VAV2: variants seen among roughly 807,000 people sequenced by gnomAD.
The protein encoded by VAV2 is vav guanine nucleotide exchange factor 2.
In VAV2, 67 loss-of-function variants were observed where a neutral mutation model predicts 132.5. The ratio of observed to expected loss-of-function variants is 0.51; its 90% CI spans 0.42 to 0.62. VAV2 has a LOEUF of 0.62. Among genes scored for constraint, VAV2 ranks in the 20% least tolerant of loss-of-function variants. The probability of loss-of-function intolerance (pLI) is 0.00; values close to 1 mark genes in which losing one functional copy is unlikely to be tolerated. For synonymous variants in VAV2, 492 were observed against 443.5 expected, an observed-to-expected ratio of 1.11 and a Z score of -1.37; for missense variants, 938 against 1,153.6, an observed-to-expected ratio of 0.81 and a Z score of 2.71.
intron 2 of VAV2, among the ~76,000 whole-genome samples, chr9:133,896,658 T>G (rs570709752): frequency 6.6e-6 from 1 of 152,274 alleles, no homozygotes; most frequent in Non-Finnish European, 1.5e-5. Context: ...GCCACTTCAT[T>G]CACATAAGCA....
Position 133,917,560 on chromosome 9 carries a change from G to C in VAV2, c.321+21543C>G, listed in dbSNP as rs781760054. Among the ~76,000 whole-genome samples, 6 of 151,720 alleles carry C rather than the reference G, an allele frequency of 4.0e-5. 1 individual carries two copies. ...CTGAAAATGTCAACACAGCACAGAGGGGCCCTGCCCATCCCACAGAGGCCA... is the reference window on the plus strand; with the variant it reads ...CTGAAAATGTCAACACAGCACAGAGCGGCCCTGCCCATCCCACAGAGGCCA... On this transcript the variant is annotated intron_variant, in intron 2 of 29. Transcript: ENST00000371850.
intron 2 of VAV2, among the ~76,000 whole-genome samples, chr9:133,895,928 CTTTTTT>C (rs551480342): frequency 8.7e-6 from 1 of 115,224 alleles, no homozygotes; most frequent in South Asian, 3.1e-4. Context: ...ACACTAAAAT[CTTTTTT>C]TTTTTTTTTT....
chr9:133,827,456 C>G (rs181832451), intron 4 of VAV2, among the ~76,000 whole-genome samples: 211 of 2,606 alleles, frequency 0.081, 14 homozygotes, highest in Admixed American at 0.11. Flanking sequence ...GGCATCACCA[C>G]CTACCGCTGC....
At chr9:133,808,738 G>T (rs1008601042) in intron 7 of VAV2, among the ~76,000 whole-genome samples, 7 of 152,242 alleles carry the variant, frequency 4.6e-5, no homozygotes, top group Non-Finnish European at 8.8e-5. Flanking sequence ...CGAGGAGCTA[G>T]CTCAGTGCCT....
intron 1 of VAV2, among the ~76,000 whole-genome samples, chr9:133,957,070 T>C (rs1841807013): frequency 6.6e-6 from 1 of 152,106 alleles, no homozygotes; most frequent in Admixed American, 6.5e-5. Context: ...ACGCCACCAG[T>C]GTCTCTCTGG....
intron 29 of VAV2, among the ~76,000 whole-genome samples, chr9:133,765,636 C>T (rs1310372491): frequency 1.3e-5 from 2 of 152,304 alleles, no homozygotes; most frequent in African/African-American, 4.8e-5. Flanking sequence ...GGACTGGATC[C>T]AGGACCAGGA....
At chr9:133,821,895 G>A (rs756630599) in intron 4 of VAV2, among the ~76,000 whole-genome samples, 2 of 152,096 alleles carry the variant, frequency 1.3e-5, no homozygotes, top group South Asian at 2.1e-4. Flanking sequence ...TTCCTGCCCC[G>A]TCTCATCCTT....
chr9:133,948,081 A>G (rs982483967), intron 1 of VAV2, among the ~76,000 whole-genome samples: 1 of 152,082 alleles, frequency 6.6e-6, no homozygotes, highest in Non-Finnish European at 1.5e-5. Flanking sequence ...GTGAGCCACT[A>G]TGCTCAGACC....
At chr9:133,886,955 C>T (rs1203196819) in intron 2 of VAV2, among the ~76,000 whole-genome samples, 1 of 152,220 alleles carries the variant, frequency 6.6e-6, no homozygotes, top group East Asian at 1.9e-4. Flanking sequence ...TCAGGCAGGA[C>T]TTTCCCAGTC....
chr9:133,903,713 G>C (rs1564451941), intron 2 of VAV2, among the ~76,000 whole-genome samples: 1 of 152,114 alleles, frequency 6.6e-6, no homozygotes. Context: ...ACAAGCGTGG[G>C]CGTCACTGAA....
intron 3 of VAV2, among the ~76,000 whole-genome samples, chr9:133,848,149 G>C (rs1038282144): frequency 6.5e-4 from 98 of 151,724 alleles, no homozygotes; most frequent in African/African-American, 2.3e-3. Context: ...GTGTAGTGGC[G>C]GGCGCCTGTA....
intron 2 of VAV2, among the ~76,000 whole-genome samples, chr9:133,878,462 T>G (rs2131928416): frequency 6.6e-6 from 1 of 152,300 alleles, no homozygotes; most frequent in East Asian, 1.9e-4. Flanking sequence ...AGTCTTGGTT[T>G]CCTCAGCTGT....
intron 2 of VAV2, among the ~76,000 whole-genome samples, chr9:133,913,841 G>A (rs1259404102): frequency 1.3e-5 from 2 of 152,210 alleles, no homozygotes; most frequent in African/African-American, 2.4e-5. Context: ...TGGGATATTC[G>A]GGAAGCAGGT....
At chr9:133,841,026 G>A (rs1365639058) in intron 3 of VAV2, among the ~76,000 whole-genome samples, 1 of 152,118 alleles carries the variant, frequency 6.6e-6, no homozygotes, top group Admixed American at 6.5e-5. Context: ...TGAGGAGCCG[G>A]CAGCCAGATT....
intron 1 of VAV2, among the ~76,000 whole-genome samples, chr9:133,983,008 C>T (rs1300750056): frequency 1.3e-5 from 2 of 152,174 alleles, no homozygotes; most frequent in East Asian, 3.9e-4. Context: ...GAACATCTGC[C>T]GCCACCTGCT....
Position 133,769,575 on chromosome 9 carries a change from C to G in VAV2, c.2348-72G>C. On this transcript the variant is annotated intron_variant, in intron 27 of 29. Coordinates refer to ENST00000371850, the MANE Select transcript of VAV2 (RefSeq NM_001134398.2). The surrounding 1 kb of genome is among the most constrained non-coding windows in gnomAD (Gnocchi z 8.1). ...CGCACAGTCACGGTGGGCACAGCTA[C>G]AGGCCGGGGGGCATGGGGTGGGGCA... is the stretch of plus-strand genomic sequence containing the variant. 1 of 1,485,170 alleles carries G rather than the reference C, an allele frequency of 6.7e-7. No homozygotes were observed. Among genetic ancestry groups the G allele is most frequent in the Admixed American group, 2.0e-5 (1 of 50,864 alleles). 92.0% of individuals were successfully genotyped at this position (1,485,170 alleles called of 1,614,324 possible). A position where few individuals can be genotyped will look rare whatever the true frequency, so the allele number is the denominator to read the frequency against.
At chr9:133,913,737 G>A (rs1174748213) in intron 2 of VAV2, among the ~76,000 whole-genome samples, 1 of 152,278 alleles carries the variant, frequency 6.6e-6, no homozygotes, top group Non-Finnish European at 1.5e-5. Flanking sequence ...GAGATGCTCA[G>A]ATGCCAGGCC....
At chr9:133,856,626 AAC>A (rs1837394921) in intron 3 of VAV2, among the ~76,000 whole-genome samples, 1 of 152,166 alleles carries the variant, frequency 6.6e-6, no homozygotes, top group Non-Finnish European at 1.5e-5. Context: ...GGCTTCAAGC[AAC>A]ACAGACTCTT....
At chr9:133,818,861 C>G (rs1159771930) in intron 4 of VAV2, among the ~76,000 whole-genome samples, 1 of 152,114 alleles carries the variant, frequency 6.6e-6, no homozygotes, top group Non-Finnish European at 1.5e-5. Context: ...GAACGATACT[C>G]AGCCTCCCGA....
Sources: gnomAD v4.1 joint callset for allele counts (sites outside exome capture counted in the v4.1 genomes callset) on GRCh38, gnomAD v4.1.1 for gene constraint, Gnocchi (gnomAD v3.1) non-coding constraint, MANE v1.5 for transcripts, NCBI Gene and HGNC (gene_info 2026-07-23, HGNC 2026-07-21) for gene names.